The following SNTG1 variants were observed in gnomAD, a reference collection of about 807,000 sequenced individuals.
The protein encoded by SNTG1 is syntrophin gamma 1, also known as gamma-1-syntrophin.
In SNTG1, 39 loss-of-function variants were observed where a neutral mutation model predicts 74.7. That is an observed-to-expected ratio of 0.52 (90% CI 0.40 to 0.68). SNTG1 has a LOEUF of 0.68. Among genes scored for constraint, SNTG1 ranks in the 30% least tolerant of loss-of-function variants. The pLI, the probability that SNTG1 is intolerant of heterozygous loss-of-function variation, is 0.00. For synonymous variants in SNTG1, 254 were observed against 217.1 expected (o/e 1.17, Z -1.49); for missense variants, 685 against 609.5 (o/e 1.12, Z -1.30).
intron 2 of SNTG1, among the ~76,000 whole-genome samples, chr8:50,382,694 A>G (rs1437641744): frequency 4.6e-5 from 7 of 152,246 alleles, no homozygotes. Flanking sequence ...ATCACAAAAT[A>G]TTACACAATA....
chr8:50,307,432 T>C (rs2089946425), intron 2 of SNTG1, among the ~76,000 whole-genome samples: 1 of 152,070 alleles, frequency 6.6e-6, no homozygotes, highest in Admixed American at 6.6e-5. Flanking sequence ...TTTTAATTCA[T>C]ATTTTCTCCA....
intron 9 of SNTG1, among the ~76,000 whole-genome samples, chr8:50,517,900 G>A (rs763328240): frequency 6.6e-6 from 1 of 152,092 alleles, no homozygotes; most frequent in Non-Finnish European, 1.5e-5. Context: ...AGATCAAGAG[G>A]ACAGAAAATT....
rs147976514 is a variant in SNTG1 at position 50,723,085 on chromosome 8, G to A, written c.1284+14107G>A. Reference sequence around the variant, plus strand: ...TTTATGAAAATATCCTCAGACTATCGTGCTAATGAAGCTCACCAAACGTAC... The same window carrying A: ...TTTATGAAAATATCCTCAGACTATCATGCTAATGAAGCTCACCAAACGTAC... On this transcript the variant is annotated intron_variant, in intron 17 of 18. Coordinates refer to ENST00000642720, the MANE Select transcript of SNTG1 (RefSeq NM_018967.5). 3.1e-3 allele frequency among the ~76,000 whole-genome samples: 470 copies of A among 152,078 alleles called. 1 individual carries two copies. The highest frequency in any genetic ancestry group is 7.7e-3 in the East Asian group (40 of 5,168).
At chr8:50,709,984 T>C (rs2095457182) in intron 17 of SNTG1, among the ~76,000 whole-genome samples, 1 of 152,160 alleles carries the variant, frequency 6.6e-6, no homozygotes, top group African/African-American at 2.4e-5. Flanking sequence ...GATACGAATG[T>C]GTAAGAAAGA....
intron 2 of SNTG1, among the ~76,000 whole-genome samples, chr8:50,367,435 T>C (rs1037236947): frequency 6.6e-6 from 1 of 152,276 alleles, no homozygotes; most frequent in South Asian, 2.1e-4. Flanking sequence ...TAACAAAATA[T>C]ATACATTAGA....
chr8:50,476,199 A>T (rs2093695989), intron 8 of SNTG1, among the ~76,000 whole-genome samples: 1 of 152,166 alleles, frequency 6.6e-6, no homozygotes, highest in African/African-American at 2.4e-5. Flanking sequence ...GCATATTATT[A>T]TAATTGTTCC....
At chr8:50,150,832 T>G (rs776647113) in intron 1 of SNTG1, among the ~76,000 whole-genome samples, 5 of 152,200 alleles carry the variant, frequency 3.3e-5, no homozygotes, top group Non-Finnish European at 7.3e-5. Flanking sequence ...ATTGAGGATT[T>G]TTGCATCGAT....
At chr8:50,792,515 G>A (rs376738150) in intron 18 of SNTG1, among the ~76,000 whole-genome samples, 156 bp from the exon 19 acceptor site, 18 of 151,562 alleles carry the variant, frequency 1.2e-4, no homozygotes, top group Non-Finnish European at 1.6e-4. Flanking sequence ...ATGTTTACAC[G>A]TTGACCAAAA....
intron 15 of SNTG1, among the ~76,000 whole-genome samples, chr8:50,670,491 T>G (rs1426861736): frequency 6.6e-6 from 1 of 151,440 alleles, no homozygotes; most frequent in South Asian, 2.1e-4. Flanking sequence ...ACAAGGGATG[T>G]GAAGGACCTC....
chr8:50,684,002 A>C (rs2095341723), intron 15 of SNTG1, among the ~76,000 whole-genome samples: 1 of 152,218 alleles, frequency 6.6e-6, no homozygotes, highest in Non-Finnish European at 1.5e-5. Context: ...GGAAGACTGG[A>C]ACATTGAAGA....
At chr8:50,738,246 G>A (rs955561791) in intron 17 of SNTG1, among the ~76,000 whole-genome samples, 4 of 152,096 alleles carry the variant, frequency 2.6e-5, no homozygotes, top group African/African-American at 9.7e-5. Context: ...AATATCACAA[G>A]CTTTCCTATA....
At chr8:50,241,028 G>A (rs1368657278) in intron 2 of SNTG1, among the ~76,000 whole-genome samples, 2 of 152,032 alleles carry the variant, frequency 1.3e-5, no homozygotes, top group Non-Finnish European at 2.9e-5. Flanking sequence ...AAGTCTTTAG[G>A]GAGTTTATGA....
chr8:50,670,682 G>T (rs2095276512), intron 15 of SNTG1, among the ~76,000 whole-genome samples: 1 of 142,440 alleles, frequency 7.0e-6, no homozygotes, highest in Non-Finnish European at 1.5e-5. Flanking sequence ...CAAAGAATTG[G>T]AAAAAACTAC....
chr8:50,117,496 C>T (rs768710599), intron 1 of SNTG1, among the ~76,000 whole-genome samples: 2 of 152,088 alleles, frequency 1.3e-5, no homozygotes, highest in Admixed American at 6.6e-5. Context: ...GGGTCTAATT[C>T]ACACACAGGG....
At chr8:50,538,602 T>TTTTTC (rs561916960) in intron 11 of SNTG1, among the ~76,000 whole-genome samples, 46 of 152,266 alleles carry the variant, frequency 3.0e-4, no homozygotes, top group African/African-American at 8.2e-4. Context: ...TCAAGACTTT[T>TTTTTC]TTTTCTTTTC....
chr8:50,278,020 A>G (rs868073372), intron 2 of SNTG1, among the ~76,000 whole-genome samples: 21 of 152,210 alleles, frequency 1.4e-4, no homozygotes, highest in African/African-American at 5.1e-4. Flanking sequence ...TAAAAATACA[A>G]AAATTAGCCA....
chr8:50,298,690 C>T (rs1482847181), intron 2 of SNTG1, among the ~76,000 whole-genome samples: 1 of 152,034 alleles, frequency 6.6e-6, no homozygotes, highest in Admixed American at 6.6e-5. Context: ...CCCTTTGGAT[C>T]AGAGAAACAG....
intron 2 of SNTG1, among the ~76,000 whole-genome samples, chr8:50,304,794 G>A (rs1168983660): frequency 2.0e-5 from 3 of 152,118 alleles, no homozygotes; most frequent in African/African-American, 7.2e-5. Context: ...TAGAATTTGT[G>A]TGACCACTAT....
At chr8:50,553,396 C>A (rs202094213) in intron 12 of SNTG1, among the ~76,000 whole-genome samples, 1 of 152,090 alleles carries the variant, frequency 6.6e-6, no homozygotes, top group Non-Finnish European at 1.5e-5. Flanking sequence ...GCATTATAAA[C>A]CCCTACATTA....
Sources: gnomAD v4.1 joint callset for allele counts (sites outside exome capture counted in the v4.1 genomes callset) on GRCh38, gnomAD v4.1.1 for gene constraint, MANE v1.5 for transcripts, NCBI Gene and HGNC (gene_info 2026-07-23, HGNC 2026-07-21) for gene names.